ETNK1: variants seen among roughly 807,000 people sequenced by gnomAD.
ETNK1 encodes ethanolamine kinase 1.
In ETNK1, 8 loss-of-function variants were observed where a neutral mutation model predicts 45.1. The observed-to-expected ratio is 0.18, with a 90% CI of 0.10 to 0.32. The LOEUF (loss-of-function observed/expected upper bound fraction) is 0.32, where lower values mean the gene tolerates loss of function less well. ETNK1 is among the 10% of genes least tolerant of loss of function. The probability of loss-of-function intolerance (pLI) is 1.00; values close to 1 mark genes in which losing one functional copy is unlikely to be tolerated. For synonymous variants in ETNK1, 152 were observed against 151.9 expected (o/e 1.00, Z -0.01); for missense variants, 302 against 430.6 (o/e 0.70, Z 2.64).
At chr12:22,627,058 A>G (rs956234647) in intron 1 of ETNK1, among the ~76,000 whole-genome samples, 23 of 152,146 alleles carry the variant, frequency 1.5e-4, no homozygotes, top group Admixed American at 2.6e-4. Flanking sequence ...TTAAGCAGTG[A>G]CTTTAAAGTT....
chr12:22,642,380 C>T (rs958435575), intron 1 of ETNK1, among the ~76,000 whole-genome samples: 1 of 151,896 alleles, frequency 6.6e-6, no homozygotes, highest in Non-Finnish European at 1.5e-5. Context: ...TATATTCTTC[C>T]TGACAGTGTC....
rs755916866 is a variant in ETNK1, at chr12:22,625,227, C to T, written c.-204C>T. The T allele has an allele frequency of 3.1e-6, 5 of 1,611,632 alleles. No individual in the cohort carries two copies. Among genetic ancestry groups the T allele is most frequent in the African/African-American group, 1.3e-5 (1 of 75,024 alleles). Reference sequence around the variant, plus strand: ...GAATTTTCTCCGAGAGCGGGCCGGGCTCAGTTCAGCTGCTGTCCAGACCCG... The same window carrying T: ...GAATTTTCTCCGAGAGCGGGCCGGGTTCAGTTCAGCTGCTGTCCAGACCCG... On this transcript the variant is annotated 5_prime_UTR_variant, in exon 1 of 8. Coordinates refer to ENST00000266517, the MANE Select transcript of ETNK1 (RefSeq NM_018638.5).
At chr12:22,651,630 A>C (rs143158268) in intron 2 of ETNK1, among the ~76,000 whole-genome samples, 2,255 of 151,234 alleles carry the variant, frequency 0.015, 35 homozygotes, top group South Asian at 0.057. Flanking sequence ...TGGTTGTGCA[A>C]CTAATTTCCT....
At chr12:22,636,164 A>T (rs1232240698) in intron 1 of ETNK1, among the ~76,000 whole-genome samples, 1 of 152,036 alleles carries the variant, frequency 6.6e-6, no homozygotes, top group Admixed American at 6.6e-5. Context: ...ACCCTCTCTC[A>T]AAAAAAGGTA....
chr12:22,651,770 C>CGA (rs953949418), intron 2 of ETNK1, among the ~76,000 whole-genome samples: 1 of 148,140 alleles, frequency 6.8e-6, no homozygotes, highest in Non-Finnish European at 1.5e-5. Context: ...AGTGCAATCT[C>CGA]TGCCTCCCAG....
At chr12:22,633,038 C>G (rs1166882070) in intron 1 of ETNK1, among the ~76,000 whole-genome samples, 1 of 152,054 alleles carries the variant, frequency 6.6e-6, no homozygotes, top group African/African-American at 2.4e-5. Context: ...ACAAATTATG[C>G]TTCTTACAAT....
chr12:22,632,328 A>G (rs989691887), intron 1 of ETNK1, among the ~76,000 whole-genome samples: 6 of 152,018 alleles, frequency 3.9e-5, no homozygotes, highest in Admixed American at 1.3e-4. Flanking sequence ...TACTTCTCCT[A>G]AACATATTTT....
chr12:22,627,332 TA>T (rs1358241596), intron 1 of ETNK1, among the ~76,000 whole-genome samples: 1 of 152,154 alleles, frequency 6.6e-6, no homozygotes, highest in Non-Finnish European at 1.5e-5. Context: ...TAGCAACTTT[TA>T]ACCTAAAGAC....
rs929477192 is a variant in ETNK1, at chr12:22,685,346, T to A, written c.*392T>A. On this transcript the variant is annotated 3_prime_UTR_variant, in exon 8 of 8. Transcript: ENST00000266517. ...CCAAATAAGTTTTTTAAGTTTTACT[T>A]TAATAAGATTAATTTCAGTAAACAT... 1.3e-5 allele frequency: 2 copies of A among 155,470 alleles called. No individual in the cohort carries two copies. Among genetic ancestry groups the A allele is most frequent in the African/African-American group, 4.8e-5 (2 of 41,544 alleles). 9.6% of individuals were successfully genotyped at this position (155,470 alleles called of 1,614,324 possible).
At chr12:22,648,739 C>T (rs536912318) in intron 2 of ETNK1, among the ~76,000 whole-genome samples, 26 of 152,110 alleles carry the variant, frequency 1.7e-4, no homozygotes, top group African/African-American at 5.3e-4. Flanking sequence ...TAAATGCTGA[C>T]GAGCATGATT....
chr12:22,661,047 C>A lies in ETNK1; in HGVS notation c.558-16C>A, dbSNP rs765405801. On this transcript the variant is annotated splice_polypyrimidine_tract_variant and intron_variant, in intron 3 of 7. Transcript: ENST00000266517. The stretch of plus-strand genomic sequence containing the variant: ...AAATGTCACACAAGATATAACTCTT[C>A]TTTTAAAACTAAAAGGTTCCTAAGT... 1 of 1,593,954 alleles carries A rather than the reference C, an allele frequency of 6.3e-7. No individual in the cohort carries two copies.
At position 22,633,182 on chromosome 12, in the gene ETNK1, ATTC is replaced by A. The variant is rs142752516; in HGVS notation, c.156+7597_156+7599del. On this transcript the variant is annotated intron_variant, in intron 1 of 7. Coordinates refer to ENST00000266517, the MANE Select transcript of ETNK1 (RefSeq NM_018638.5). ...TTCTGAAGTGATTGTCCCGGTTTATATTCCTAACAGCATTATGTGAGAGTTTCA... is the reference window on the plus strand; with the variant it reads ...TTCTGAAGTGATTGTCCCGGTTTATACTAACAGCATTATGTGAGAGTTTCA... 6.9e-3 allele frequency among the ~76,000 whole-genome samples: 1,051 copies of A among 152,312 alleles called. 12 individuals carry two copies. The highest frequency in any genetic ancestry group is 0.024 in the African/African-American group (1,003 of 41,556).
chr12:22,645,336 A>T (rs1231483905), intron 2 of ETNK1, among the ~76,000 whole-genome samples: 1 of 151,860 alleles, frequency 6.6e-6, no homozygotes, highest in East Asian at 1.9e-4. Flanking sequence ...TAAAGCAGAG[A>T]GTAAAACATG....
chr12:22,673,633 C>A lies in ETNK1; in HGVS notation c.918C>A (p.Leu306=). The A allele has an allele frequency of 6.2e-7, 1 of 1,613,536 alleles. No homozygotes were observed. The highest frequency in any genetic ancestry group is 8.5e-7 in the Non-Finnish European group (1 of 1,179,712). Residue 306 remains leucine, a synonymous_variant, in exon 6 of 8, where the codon CTC becomes CTA. Coordinates refer to ENST00000266517, the MANE Select transcript of ETNK1 (RefSeq NM_018638.5). ...TTACTGAAAAGGAGGTAGAAATACTCTTCATTCAAGTCAATCAGTTTGCAT... is the reference window on the plus strand; with the variant it reads ...TTACTGAAAAGGAGGTAGAAATACTATTCATTCAAGTCAATCAGTTTGCAT... ...TEVTEKEVEI[L]FIQVNQFALA... is the part of the protein sequence containing the mutation.
intron 4 of ETNK1, among the ~76,000 whole-genome samples, chr12:22,663,553 G>GT (rs146168243): frequency 0.047 from 7,121 of 152,070 alleles, 540 homozygotes; most frequent in African/African-American, 0.16. Context: ...TTTTATTTAA[G>GT]TGGTCACTTA....
intron 6 of ETNK1, among the ~76,000 whole-genome samples, chr12:22,682,057 AC>A (rs1954219905): frequency 6.6e-6 from 1 of 152,208 alleles, no homozygotes; most frequent in African/African-American, 2.4e-5. Context: ...TGATTCTTTT[AC>A]CTGTATGTGA....
intron 2 of ETNK1, among the ~76,000 whole-genome samples, chr12:22,648,311 TTAG>T: frequency 6.6e-6 from 1 of 152,086 alleles, no homozygotes. Flanking sequence ...GTATCCACTG[TTAG>T]TAGTATCATA....
chr12:22,664,947 A>G (rs1954039768), intron 4 of ETNK1, among the ~76,000 whole-genome samples: 1 of 152,144 alleles, frequency 6.6e-6, no homozygotes, highest in African/African-American at 2.4e-5. Context: ...TCAGAAGTAC[A>G]AATTTTAGGC....
Position 22,686,377 on chromosome 12 carries a change from A to G in ETNK1, c.*1423A>G, listed in dbSNP as rs1023510470. On this transcript the variant is annotated 3_prime_UTR_variant, in exon 8 of 8. Coordinates refer to ENST00000266517, the MANE Select transcript of ETNK1 (RefSeq NM_018638.5). ...TCGGTCACATAAGTGCCCATGTACA[A>G]AGTTGGCTTACTGGATCTGCATATT... 7.2e-5 allele frequency: 11 copies of G among 152,274 alleles called. No individual in the cohort carries two copies. Among genetic ancestry groups the G allele is most frequent in the African/African-American group, 2.4e-4 (10 of 41,412 alleles). 9.4% of individuals were successfully genotyped at this position (152,274 alleles called of 1,614,324 possible). A position where few individuals can be genotyped will look rare whatever the true frequency, so the allele number is the denominator to read the frequency against.
Sources: allele counts gnomAD v4.1 joint callset (sites outside exome capture counted in the v4.1 genomes callset), GRCh38; gene constraint gnomAD v4.1.1; transcripts MANE v1.5; gene names NCBI Gene and HGNC (gene_info 2026-07-23, HGNC 2026-07-21).